DPP10: variants seen among roughly 807,000 people sequenced by gnomAD.
The protein encoded by DPP10 is dipeptidyl peptidase like 10, also known as inactive dipeptidyl peptidase 10.
DPP10 carries 33 observed loss-of-function variants against 120.9 expected under a neutral mutation model. That is an observed-to-expected ratio of 0.27 (90% confidence interval 0.21 to 0.37). DPP10 has a LOEUF of 0.37. DPP10 is among the 10% of genes least tolerant of loss of function. The pLI is 1.00. For synonymous variants in DPP10, 337 were observed against 326.1 expected, an observed-to-expected ratio of 1.03 and a Z score of -0.36; for missense variants, 816 against 942.8, an observed-to-expected ratio of 0.87 and a Z score of 1.76.
chr2:114,645,846 C>T (rs914481883), intron 1 of DPP10, among the ~76,000 whole-genome samples: 3 of 152,084 alleles, frequency 2.0e-5, no homozygotes, highest in African/African-American at 4.8e-5. Context: ...CCAAATGAAC[C>T]TCCAGGCCTT....
intron 1 of DPP10, among the ~76,000 whole-genome samples, chr2:114,987,942 T>C (rs1227416633): frequency 6.6e-6 from 1 of 151,886 alleles, no homozygotes; most frequent in Non-Finnish European, 1.5e-5. Flanking sequence ...TAGCTGGGAC[T>C]ACAGGCACCT....
Position 115,597,407 on chromosome 2 carries a change from C to T in DPP10, c.441+71435C>T, listed in dbSNP as rs72826473. ...GGTGGATTAAAAATAAATAAGAGAA[C>T]AATTTTTAAGAAAGGAAGCAAACGT... is the stretch of plus-strand genomic sequence containing the variant. On this transcript the variant is annotated intron_variant, in intron 5 of 25. Coordinates refer to ENST00000410059, the MANE Select transcript of DPP10 (RefSeq NM_020868.6). Among the ~76,000 whole-genome samples the T allele has an allele frequency of 6.7e-3, 1,020 of 151,904 alleles. 4 individuals carry two copies. The highest frequency in any genetic ancestry group is 0.011 in the Non-Finnish European group (735 of 67,912).
intron 5 of DPP10, among the ~76,000 whole-genome samples, chr2:115,540,821 G>A (rs1575132873): frequency 6.6e-6 from 1 of 151,932 alleles, no homozygotes; most frequent in East Asian, 1.9e-4. Flanking sequence ...AAGAATAGAA[G>A]AGCACTTTTT....
intron 5 of DPP10, among the ~76,000 whole-genome samples, chr2:115,590,464 A>G (rs1327453551): frequency 1.3e-5 from 2 of 152,138 alleles, no homozygotes; most frequent in African/African-American, 4.8e-5. Context: ...GATGGTTTCC[A>G]GCTTCATCCA....
At chr2:114,675,882 C>A (rs1698639636) in intron 1 of DPP10, among the ~76,000 whole-genome samples, 1 of 152,006 alleles carries the variant, frequency 6.6e-6, no homozygotes, top group East Asian at 1.9e-4. Flanking sequence ...CTCACTGCAA[C>A]CTCCACCTCC....
At chr2:114,642,456 A>G (rs907266024) in intron 1 of DPP10, among the ~76,000 whole-genome samples, 1 of 151,952 alleles carries the variant, frequency 6.6e-6, no homozygotes, top group Non-Finnish European at 1.5e-5. Context: ...TTAAACAAAA[A>G]CTAAGCAGAA....
chr2:114,548,645 T>C (rs1178533130), intron 1 of DPP10, among the ~76,000 whole-genome samples: 1 of 152,194 alleles, frequency 6.6e-6, no homozygotes, highest in Non-Finnish European at 1.5e-5. Context: ...AAACAGCGAC[T>C]TCATTTCCGG....
intron 1 of DPP10, among the ~76,000 whole-genome samples, chr2:114,766,562 C>T (rs973421402): frequency 3.3e-5 from 5 of 150,946 alleles, no homozygotes; most frequent in Admixed American, 6.7e-5. Context: ...TAACAGGTTC[C>T]AATGCATTCA....
chr2:115,824,875 T>C (rs1471394886), intron 21 of DPP10, among the ~76,000 whole-genome samples: 1 of 152,196 alleles, frequency 6.6e-6, no homozygotes, highest in Non-Finnish European at 1.5e-5. Flanking sequence ...ACTACCTCTT[T>C]TCTATGTATT....
chr2:115,390,298 G>A (rs1159623588), intron 3 of DPP10, among the ~76,000 whole-genome samples: 1 of 152,166 alleles, frequency 6.6e-6, no homozygotes, highest in African/African-American at 2.4e-5. Context: ...ATAAAGCTAA[G>A]CTGAGATAAT....
At chr2:114,538,554 T>C (rs1466311238) in intron 1 of DPP10, among the ~76,000 whole-genome samples, 1 of 152,212 alleles carries the variant, frequency 6.6e-6, no homozygotes, top group Admixed American at 6.5e-5. Context: ...GATGCACACT[T>C]GTGTATCTGT....
At chr2:115,023,681 G>C (rs1703242616) in intron 1 of DPP10, among the ~76,000 whole-genome samples, 2 of 151,990 alleles carry the variant, frequency 1.3e-5, no homozygotes, top group Non-Finnish European at 2.9e-5. Context: ...ATATGAAAAA[G>C]ATACTTGCAC....
chr2:115,368,803 T>A (rs1329374462), intron 3 of DPP10, among the ~76,000 whole-genome samples: 11 of 150,974 alleles, frequency 7.3e-5, no homozygotes, highest in Admixed American at 4.0e-4. Flanking sequence ...ATTTTAATTT[T>A]AATTTAATTT....
chr2:114,772,124 CT>C (rs1681320425), intron 1 of DPP10, among the ~76,000 whole-genome samples: 1 of 151,136 alleles, frequency 6.6e-6, no homozygotes, highest in Non-Finnish European at 1.5e-5. Context: ...AGTTCTAAAT[CT>C]TTATGTCCTT....
chr2:115,532,948 T>C (rs2078560443), intron 5 of DPP10, among the ~76,000 whole-genome samples: 1 of 152,082 alleles, frequency 6.6e-6, no homozygotes, highest in Non-Finnish European at 1.5e-5. Context: ...AACAATTGTA[T>C]TTTTAAGCCA....
At chr2:115,258,112 A>G (rs2059087561) in intron 1 of DPP10, among the ~76,000 whole-genome samples, 1 of 152,236 alleles carries the variant, frequency 6.6e-6, no homozygotes, top group African/African-American at 2.4e-5. Context: ...TGCTAAAAGC[A>G]TCAAGGAAAC....
At chr2:115,527,110 G>A (rs548638003) in intron 5 of DPP10, among the ~76,000 whole-genome samples, 78 of 152,140 alleles carry the variant, frequency 5.1e-4, no homozygotes, top group African/African-American at 1.8e-3. Context: ...AACTGATCAT[G>A]AACTTTTAAA....
chr2:114,768,782 A>G (rs1680976967), intron 1 of DPP10, among the ~76,000 whole-genome samples: 1 of 152,186 alleles, frequency 6.6e-6, no homozygotes, highest in African/African-American at 2.4e-5. Flanking sequence ...ATCTGTCTTA[A>G]AGGACTCCAA....
chr2:115,704,408 CTT>C (rs1350750603), intron 7 of DPP10, among the ~76,000 whole-genome samples: 1 of 151,696 alleles, frequency 6.6e-6, no homozygotes, highest in Admixed American at 6.6e-5. Context: ...ATGTTGTTAT[CTT>C]CTACCACTAA....
Sources: allele counts gnomAD v4.1 joint callset (sites outside exome capture counted in the v4.1 genomes callset), GRCh38; gene constraint gnomAD v4.1.1; transcripts MANE v1.5; gene names NCBI Gene and HGNC (gene_info 2026-07-23, HGNC 2026-07-21).